RBFOX1: variants seen among roughly 807,000 people sequenced by gnomAD.
RBFOX1 encodes RNA binding fox-1 homolog 1, also known as RNA binding protein fox-1 homolog 1.
RBFOX1 carries 8 observed loss-of-function variants against 57.7 expected under a neutral mutation model. The ratio of observed to expected loss-of-function variants is 0.14; its 90% CI spans 0.08 to 0.25. The LOEUF is 0.25. RBFOX1 is among the 10% of genes least tolerant of loss of function. The pLI is 1.00. For missense variants in RBFOX1, 611 were observed against 548.5 expected (o/e 1.11, Z -1.14); for synonymous variants, 326 against 222.4 (o/e 1.47, Z -4.15).
intron 3 of RBFOX1, among the ~76,000 whole-genome samples, chr16:5,618,626 C>A (rs187702784): frequency 6.6e-6 from 1 of 152,188 alleles, no homozygotes; most frequent in East Asian, 1.9e-4. Context: ...CGTGAGCCAT[C>A]GCGCCCAGCT....
intron 3 of RBFOX1, among the ~76,000 whole-genome samples, chr16:6,963,985 A>C (rs1378955406): frequency 6.6e-6 from 1 of 150,558 alleles, no homozygotes; most frequent in East Asian, 2.0e-4. Context: ...GGCGTGAGCC[A>C]CTGCGCCCAG....
chr16:5,623,556 A>G (rs2048260515), intron 3 of RBFOX1, among the ~76,000 whole-genome samples: 1 of 150,052 alleles, frequency 6.7e-6, no homozygotes, highest in Admixed American at 6.6e-5. Context: ...AGGTGGCCGG[A>G]GGACCACATG....
intron 4 of RBFOX1, among the ~76,000 whole-genome samples, chr16:7,376,686 A>G (rs2097691572): frequency 6.6e-6 from 1 of 152,196 alleles, no homozygotes; most frequent in Non-Finnish European, 1.5e-5. Flanking sequence ...TGGTTCATGC[A>G]GCAGAGGAAT....
At chr16:5,667,649 T>A (rs1273184427) in intron 3 of RBFOX1, among the ~76,000 whole-genome samples, 2 of 152,234 alleles carry the variant, frequency 1.3e-5, no homozygotes, top group African/African-American at 4.8e-5. Flanking sequence ...GATTTTCTTA[T>A]TTTTCTGATT....
intron 5 of RBFOX1, among the ~76,000 whole-genome samples, chr16:7,566,075 A>T (rs2091618597): frequency 6.6e-6 from 1 of 152,152 alleles, no homozygotes; most frequent in Admixed American, 6.5e-5. Context: ...TATCCACGGG[A>T]CGCTCATATT....
chr16:6,489,847 C>T (rs193024850), intron 2 of RBFOX1, among the ~76,000 whole-genome samples: 46 of 152,330 alleles, frequency 3.0e-4, no homozygotes, highest in African/African-American at 1.1e-3. Flanking sequence ...AAGGGAAACA[C>T]TAATGTACAG....
intron 3 of RBFOX1, among the ~76,000 whole-genome samples, chr16:5,690,001 A>G (rs556108316): frequency 1.9e-4 from 29 of 152,284 alleles, no homozygotes; most frequent in African/African-American, 5.8e-4. Flanking sequence ...TGGAACAGCA[A>G]TTGCGTAAAC....
At chr16:7,287,839 T>G (rs1201683209) in intron 4 of RBFOX1, among the ~76,000 whole-genome samples, 3 of 152,214 alleles carry the variant, frequency 2.0e-5, no homozygotes, top group Non-Finnish European at 4.4e-5. Flanking sequence ...AATTATGGAT[T>G]TGCATATTAC....
chr16:7,573,501 G>C (rs932850247), intron 5 of RBFOX1, among the ~76,000 whole-genome samples: 2 of 152,090 alleles, frequency 1.3e-5, no homozygotes, highest in Non-Finnish European at 2.9e-5. Flanking sequence ...TCCCAAATAT[G>C]GTAATGTCCA....
rs143830276 is a variant in RBFOX1 at position 6,356,471 on chromosome 16, A to G, written c.-64+39414A>G. ...ATTAATATATTGGGAGAAAAATGCT[A>G]TTTTCCCTCTGTGGTTTTCCTCCCC... On this transcript the variant is annotated intron_variant, in intron 2 of 15. Coordinates refer to ENST00000550418, the MANE Select transcript of RBFOX1 (RefSeq NM_018723.4). Among the ~76,000 whole-genome samples the G allele has an allele frequency of 8.0e-3, 1,214 of 152,182 alleles. 11 individuals are homozygous for G. Among genetic ancestry groups the G allele is most frequent in the African/African-American group, 0.028 (1,162 of 41,506 alleles).
chr16:6,120,322 C>G (rs1349405864), intron 1 of RBFOX1, among the ~76,000 whole-genome samples: 2 of 152,208 alleles, frequency 1.3e-5, no homozygotes, highest in East Asian at 3.8e-4. Context: ...CATGCAGTAG[C>G]TCTATGTTCA....
chr16:6,275,289 C>T (rs188884575), intron 1 of RBFOX1, among the ~76,000 whole-genome samples: 158 of 148,036 alleles, frequency 1.1e-3, no homozygotes, highest in Non-Finnish European at 1.7e-3. Context: ...TCAGCCTGGG[C>T]GACAGAGTGA....
chr16:5,706,311 G>T (rs1339583368), intron 3 of RBFOX1, among the ~76,000 whole-genome samples: 1 of 152,206 alleles, frequency 6.6e-6, no homozygotes, highest in Non-Finnish European at 1.5e-5. Context: ...GTTTCCTGAT[G>T]TAGCATGTCT....
At chr16:5,369,131 A>G (rs2065798164) in intron 1 of RBFOX1, among the ~76,000 whole-genome samples, 1 of 152,260 alleles carries the variant, frequency 6.6e-6, no homozygotes, top group Non-Finnish European at 1.5e-5. Flanking sequence ...CCTCACAAGT[A>G]GCTAGGATTA....
chr16:5,260,926 T>A (rs2062716545), intron 1 of RBFOX1: 1 of 152,240 alleles, frequency 6.6e-6, no homozygotes, highest in African/African-American at 2.4e-5. Context: ...TGACACCCAT[T>A]GTGGTCTTGT....
At chr16:5,949,932 T>G (rs2059486753) in intron 4 of RBFOX1, among the ~76,000 whole-genome samples, 1 of 152,230 alleles carries the variant, frequency 6.6e-6, no homozygotes, top group African/African-American at 2.4e-5. Context: ...CCTCTCTGAC[T>G]GGCCCCCCAG....
At chr16:6,847,286 A>G (rs925212913) in intron 3 of RBFOX1, among the ~76,000 whole-genome samples, 2 of 152,124 alleles carry the variant, frequency 1.3e-5, no homozygotes, top group African/African-American at 4.8e-5. Flanking sequence ...GCTGGCCCAG[A>G]CTGTGCTCAT....
intron 2 of RBFOX1, among the ~76,000 whole-genome samples, chr16:6,532,234 T>C (rs1028504099): frequency 3.9e-5 from 6 of 152,112 alleles, no homozygotes; most frequent in African/African-American, 1.4e-4. Context: ...CAATGTATGG[T>C]CTTACAAAGG....
rs2068373832 is a variant in RBFOX1, at chr16:5,450,038, G to C, written c.220-17178G>C. 2.0e-5 allele frequency among the ~76,000 whole-genome samples: 3 copies of C among 152,144 alleles called. No individual in the cohort carries two copies. In the South Asian group the frequency reaches 6.2e-4, roughly 32 times the overall value. ...CTGAGATCTATTTGCAAGGTACTGG[G>C]GTAAGTGCCCTGCATGCATTGACCA... On this transcript the variant is annotated intron_variant, in intron 1 of 2. Transcript: ENST00000585867.
Sources: allele counts gnomAD v4.1 joint callset (sites outside exome capture counted in the v4.1 genomes callset), GRCh38; gene constraint gnomAD v4.1.1; transcripts MANE v1.5; gene names NCBI Gene and HGNC (gene_info 2026-07-23, HGNC 2026-07-21).